Variants in MARCHF5 observed in about 807,000 individuals in gnomAD.
MARCHF5 encodes the protein membrane associated ring-CH-type finger 5, also known as E3 ubiquitin-protein ligase MARCHF5.
MARCHF5 carries 5 observed loss-of-function variants against 36.5 expected under a neutral mutation model. The ratio of observed to expected loss-of-function variants is 0.14; its 90% CI spans 0.07 to 0.29. MARCHF5 has a LOEUF of 0.29. Ranked by LOEUF, MARCHF5 falls within the 10% of genes least tolerant of loss-of-function variation. MARCHF5 has a pLI of 1.00. For synonymous variants in MARCHF5, 103 were observed against 109.9 expected, an observed-to-expected ratio of 0.94 and a Z score of 0.39; for missense variants, 179 against 336.3, an observed-to-expected ratio of 0.53 and a Z score of 3.66.
At chr10:92,327,627 C>T (rs1205547826) in intron 2 of MARCHF5, among the ~76,000 whole-genome samples, 2 of 152,190 alleles carry the variant, frequency 1.3e-5, no homozygotes, top group African/African-American at 4.8e-5. Context: ...AATCTCCCAA[C>T]GGTGTATTGG....
At chr10:92,332,390 T>A (rs1843445921) in intron 2 of MARCHF5, among the ~76,000 whole-genome samples, 1 of 151,984 alleles carries the variant, frequency 6.6e-6, no homozygotes, top group Admixed American at 6.6e-5. Flanking sequence ...CAATCAGAGA[T>A]GAAACTTACA....
Position 92,291,316 on chromosome 10 carries a change from C to T in MARCHF5, c.-179C>T, listed in dbSNP as rs1430744876. The T allele has an allele frequency of 3.4e-6, 2 of 586,286 alleles. No homozygotes were observed. The highest frequency in any genetic ancestry group is 3.3e-5 in the Admixed American group (1 of 29,946). 36.3% of individuals were successfully genotyped at this position (586,286 alleles called of 1,614,324 possible). A position where few individuals can be genotyped will look rare whatever the true frequency, so the allele number is the denominator to read the frequency against. The stretch of plus-strand genomic sequence containing the variant: ...CTCGCTCTCCGCCGCCTCCGCCGGA[C>T]TCCCGCAGGCCCTGCACCGCCGCCG... On this transcript the variant is annotated 5_prime_UTR_variant, in exon 1 of 6. Coordinates refer to ENST00000358935, the MANE Select transcript of MARCHF5 (RefSeq NM_017824.5).
chr10:92,339,441 G>A (rs1383608274), intron 2 of MARCHF5, among the ~76,000 whole-genome samples: 1 of 151,478 alleles, frequency 6.6e-6, no homozygotes, highest in Non-Finnish European at 1.5e-5. Context: ...AGGCTGAGGC[G>A]GGTGGATCAC....
At chr10:92,324,945 A>G (rs1432211720) in intron 2 of MARCHF5, among the ~76,000 whole-genome samples, 1 of 152,158 alleles carries the variant, frequency 6.6e-6, no homozygotes, top group Non-Finnish European at 1.5e-5. Flanking sequence ...TGAGAAAAAC[A>G]TGTATTCTGC....
chr10:92,297,782 A>T (rs534192617), intron 1 of MARCHF5, among the ~76,000 whole-genome samples: 1 of 151,798 alleles, frequency 6.6e-6, no homozygotes, highest in East Asian at 2.0e-4. Context: ...GAGCCGCCAC[A>T]CCTGGCCTTT....
chr10:92,345,613 A>G (rs934168329), intron 3 of MARCHF5, among the ~76,000 whole-genome samples: 1 of 152,054 alleles, frequency 6.6e-6, no homozygotes, highest in African/African-American at 2.4e-5. Flanking sequence ...TCTAGCTTTT[A>G]GCCCTTCTGC....
At chr10:92,320,021 G>C (rs1014184228) in intron 2 of MARCHF5, among the ~76,000 whole-genome samples, 1 of 149,794 alleles carries the variant, frequency 6.7e-6, no homozygotes, top group African/African-American at 2.5e-5. Flanking sequence ...GCCCAGGCTG[G>C]AGTGCAGTGG....
intron 2 of MARCHF5, among the ~76,000 whole-genome samples, chr10:92,319,231 C>G (rs1843256779): frequency 6.6e-6 from 1 of 151,862 alleles, no homozygotes; most frequent in African/African-American, 2.4e-5. Context: ...TAACATGTAA[C>G]AGTTTTATAC....
intron 2 of MARCHF5, among the ~76,000 whole-genome samples, chr10:92,331,919 TCA>T (rs1491099645): frequency 4.1e-5 from 6 of 145,042 alleles, no homozygotes; most frequent in Non-Finnish European, 7.5e-5. Context: ...GTATATATAA[TCA>T]TATATATGTA....
chr10:92,295,803 A>ATT (rs1842943525), intron 1 of MARCHF5, among the ~76,000 whole-genome samples: 1 of 151,828 alleles, frequency 6.6e-6, no homozygotes. Context: ...GGTAACTTTG[A>ATT]TTACTGTAAT....
Position 92,351,322 on chromosome 10 carries a change from T to C in MARCHF5, c.*115T>C, listed in dbSNP as rs1370763682. 1 of 638,000 alleles carries C rather than the reference T, an allele frequency of 1.6e-6. No individual in the cohort carries two copies. The highest frequency in any genetic ancestry group is 2.7e-6 in the Non-Finnish European group (1 of 365,374). 39.5% of individuals were successfully genotyped at this position (638,000 alleles called of 1,614,324 possible). A position where few individuals can be genotyped will look rare whatever the true frequency, so the allele number is the denominator to read the frequency against. On this transcript the variant is annotated 3_prime_UTR_variant, in exon 6 of 6. Coordinates refer to ENST00000358935, the MANE Select transcript of MARCHF5 (RefSeq NM_017824.5). ...GTGATAAGCTGCTGCTCCTATATTT[T>C]TTAAGAAATATAATAAAGCACTTAG...
intron 1 of MARCHF5, among the ~76,000 whole-genome samples, chr10:92,295,407 A>ATTTT (rs1474666242): frequency 7.1e-4 from 55 of 77,924 alleles, no homozygotes; most frequent in Non-Finnish European, 1.1e-3. Flanking sequence ...TTATTTATTT[A>ATTTT]TTTTTTATTT....
intron 2 of MARCHF5, among the ~76,000 whole-genome samples, chr10:92,322,011 G>A (rs910896001): frequency 2.2e-4 from 33 of 151,622 alleles, no homozygotes; most frequent in Non-Finnish European, 4.3e-4. Context: ...TTGGGAGGCC[G>A]AGGCGGGCGG....
chr10:92,344,838 A>AT (rs199634190), intron 3 of MARCHF5, among the ~76,000 whole-genome samples: 26 of 151,848 alleles, frequency 1.7e-4, no homozygotes, highest in Middle Eastern at 3.4e-3. Context: ...CAACACAATA[A>AT]TTTTTTTTTC....
At chr10:92,307,228 C>T (rs2135183040) in intron 1 of MARCHF5, among the ~76,000 whole-genome samples, 1 of 149,010 alleles carries the variant, frequency 6.7e-6, no homozygotes, top group South Asian at 2.1e-4. Context: ...TGCATGCACG[C>T]ACGTGCCCTC....
chr10:92,351,414 A>G lies in MARCHF5; in HGVS notation c.*207A>G. On this transcript the variant is annotated 3_prime_UTR_variant, in exon 6 of 6. Coordinates refer to ENST00000358935, the MANE Select transcript of MARCHF5 (RefSeq NM_017824.5). ...TGATTTGTTTTCATTGTTTGTATGT[A>G]CTACTTTTATGGCAGTCATATGAAC... 2.4e-6 allele frequency: 1 copy of G among 410,204 alleles called. No individual in the cohort carries two copies. The highest frequency in any genetic ancestry group is 5.5e-5 in the South Asian group (1 of 18,264). 25.4% of individuals were successfully genotyped at this position (410,204 alleles called of 1,614,324 possible). A position where few individuals can be genotyped will look rare whatever the true frequency, so the allele number is the denominator to read the frequency against.
chr10:92,293,905 T>G (rs923180172), intron 1 of MARCHF5, among the ~76,000 whole-genome samples: 3 of 152,328 alleles, frequency 2.0e-5, no homozygotes, highest in African/African-American at 4.8e-5. Context: ...CTCTCATCTT[T>G]GTACTCTTTT....
At chr10:92,327,192 G>A (rs1479991413) in intron 2 of MARCHF5, among the ~76,000 whole-genome samples, 3 of 151,668 alleles carry the variant, frequency 2.0e-5, no homozygotes, top group Non-Finnish European at 4.4e-5. Flanking sequence ...ACTCTCTGAT[G>A]TTCTGGTCTC....
intron 2 of MARCHF5, among the ~76,000 whole-genome samples, chr10:92,319,521 C>T (rs1430120800): frequency 6.6e-6 from 1 of 151,896 alleles, no homozygotes; most frequent in Non-Finnish European, 1.5e-5. Flanking sequence ...GTCTCGATCT[C>T]CTGACCTCGT....
Sources: gnomAD v4.1 joint callset for allele counts (sites outside exome capture counted in the v4.1 genomes callset) on GRCh38, gnomAD v4.1.1 for gene constraint, MANE v1.5 for transcripts, NCBI Gene and HGNC (gene_info 2026-07-23, HGNC 2026-07-21) for gene names.